VPS9D1: variants seen among roughly 807,000 people sequenced by gnomAD.
VPS9D1 encodes VPS9 domain containing 1.
Under a neutral mutation model 75.8 loss-of-function variants are expected in VPS9D1, and 78 were observed. The observed-to-expected ratio is 1.03, with a 90% confidence interval of 0.86 to 1.24. VPS9D1 has a LOEUF of 1.24. Ranked by LOEUF, VPS9D1 falls within the 50% of genes most tolerant of loss-of-function variation. The pLI, the probability that VPS9D1 is intolerant of heterozygous loss-of-function variation, is 0.00. For missense variants in VPS9D1, 1,057 were observed against 847.7 expected (o/e 1.25, Z -3.07); for synonymous variants, 481 against 385.6 (o/e 1.25, Z -2.90).
chr16:89,718,584 A>G (rs57119673), intron 2 of VPS9D1, among the ~76,000 whole-genome samples: 56,410 of 152,080 alleles, frequency 0.37, 10,839 homozygotes, highest in Middle Eastern at 0.43. Context: ...TGGTCCACCT[A>G]CTACAAATGG....
Position 89,716,826 on chromosome 16 carries a change from G to A in VPS9D1, c.176-4C>T. On this transcript the variant is annotated splice_polypyrimidine_tract_variant and splice_region_variant and intron_variant, in intron 2 of 14. Transcript: ENST00000389386. Reference sequence around the variant, plus strand: ...GGGGGCACAGTTTCCCCAGCTTCTGGGGGAGGGACAAGAAGGCTGGTCACA... The same window carrying A: ...GGGGGCACAGTTTCCCCAGCTTCTGAGGGAGGGACAAGAAGGCTGGTCACA... 6.3e-7 allele frequency: 1 copy of A among 1,588,306 alleles called. No individual in the cohort carries two copies. The highest frequency in any genetic ancestry group is 8.5e-7 in the Non-Finnish European group (1 of 1,172,728).
Position 89,712,930 on chromosome 16 carries a change from T to C in VPS9D1, c.432-214A>G, listed in dbSNP as rs1011511558. 11 of 464,530 alleles carry C rather than the reference T, an allele frequency of 2.4e-5. No individual in the cohort carries two copies. In the Admixed American group the frequency reaches 2.8e-4, roughly 12 times the overall value. 28.8% of individuals were successfully genotyped at this position (464,530 alleles called of 1,614,324 possible). On this transcript the variant is annotated intron_variant, in intron 4 of 14. Coordinates refer to ENST00000389386, the MANE Select transcript of VPS9D1 (RefSeq NM_004913.3). ...CAGGTGCAGTGGCTCCCGCCTCTAA[T>C]GCCAGCACTTTAGGAGGCTAAGGCC...
At chr16:89,719,964 C>T (rs978460003) in intron 1 of VPS9D1, among the ~76,000 whole-genome samples, 5 of 152,320 alleles carry the variant, frequency 3.3e-5, no homozygotes, top group East Asian at 1.9e-4. Context: ...GGTGATCCAC[C>T]GCCTGGGCCT....
Position 89,707,652 on chromosome 16 carries a change from C to T in VPS9D1, c.*209G>A. 1.8e-6 allele frequency: 1 copy of T among 558,448 alleles called. No homozygotes were observed. Among genetic ancestry groups the T allele is most frequent in the Non-Finnish European group, 3.2e-6 (1 of 311,572 alleles). The allele number at this position is 558,448 out of a possible 1,614,324, so 34.6% of individuals were successfully genotyped here. ...CTGATTCAGCCCCATTCTGTCGGGG[C>T]AGAGGTGCCAACCCCAAGCTCCAGG... is the stretch of plus-strand genomic sequence containing the variant. On this transcript the variant is annotated 3_prime_UTR_variant, in exon 15 of 15. Coordinates refer to ENST00000389386, the MANE Select transcript of VPS9D1 (RefSeq NM_004913.3).
intron 2 of VPS9D1, chr16:89,717,421 C>T (rs1478897395): frequency 2.6e-6 from 1 of 391,016 alleles, no homozygotes; most frequent in Admixed American, 2.8e-5. Flanking sequence ...CCGGCTGTGT[C>T]CCCAAAGTCC....
In VPS9D1 at chr16:89,717,981, G is replaced by A. The variant is rs556318875; in HGVS notation, c.175+1046C>T. On this transcript the variant is annotated intron_variant, in intron 2 of 14. Transcript: ENST00000389386. ...GCTCCCCCGACCTCTGTGCTCCCACGTCCAGTGGCTCCCCCGACCTCTGTG... is the reference window on the plus strand; with the variant it reads ...GCTCCCCCGACCTCTGTGCTCCCACATCCAGTGGCTCCCCCGACCTCTGTG... 900 of 448,874 alleles carry A rather than the reference G, an allele frequency of 2.0e-3. 11 individuals are homozygous for A. The highest frequency in any genetic ancestry group is 6.9e-3 in the Middle Eastern group (21 of 3,030). The allele number at this position is 448,874 out of a possible 1,614,324, so 27.8% of individuals were successfully genotyped here.
intron 4 of VPS9D1, among the ~76,000 whole-genome samples, chr16:89,713,595 T>C (rs1388820003): frequency 6.6e-6 from 1 of 152,148 alleles, no homozygotes; most frequent in Non-Finnish European, 1.5e-5. Context: ...ACTGGACTTC[T>C]ATGGAGATCC....
chr16:89,708,816 G>A (rs2060848250), intron 13 of VPS9D1, 41 bp downstream of exon 13: 1 of 1,525,844 alleles, frequency 6.6e-7, no homozygotes, highest in Non-Finnish European at 8.8e-7. Flanking sequence ...CCTTTCTAGG[G>A]CCCTTCCTCC....
intron 6 of VPS9D1, 159 bp from the exon 7 acceptor site, chr16:89,712,258 A>C (rs1227488016): frequency 2.2e-6 from 3 of 1,338,906 alleles, no homozygotes; most frequent in African/African-American, 1.5e-5. Context: ...CCTGCGCTCA[A>C]GCCAGGAGGG....
chr16:89,708,918 AGTC>A lies in VPS9D1; in HGVS notation c.1633_1635del (p.Asp545del). On this transcript the variant is annotated inframe_deletion, in exon 13 of 15. Transcript: ENST00000389386. The stretch of plus-strand genomic sequence containing the variant: ...GGTGTGGCCTCTGGGGTGGGGCAGT[AGTC>A]TTCCGCACAGACACAGATGATCCGC... The A allele has an allele frequency of 6.2e-7, 1 of 1,602,156 alleles. No homozygotes were observed. The highest frequency in any genetic ancestry group is 8.5e-7 in the Non-Finnish European group (1 of 1,176,376).
chr16:89,717,467 C>T (rs920879384), intron 2 of VPS9D1: 22 of 430,346 alleles, frequency 5.1e-5, no homozygotes, highest in Admixed American at 9.9e-5. Context: ...CACCTCTGCG[C>T]GACCATGGAC....
In VPS9D1 at chr16:89,710,880, T is replaced by TTCC; in HGVS notation, c.961_963dup (p.Gly321dup). On this transcript the variant is annotated inframe_insertion, in exon 10 of 15. Transcript: ENST00000389386. Reference sequence around the variant, plus strand: ...CTCTGCGAGGGCCGCAGCCGTCGGCTTCCGGGGTTGGGGGTCGGGGGGCAG... The same window carrying TTCC: ...CTCTGCGAGGGCCGCAGCCGTCGGCTTCCTCCGGGGTTGGGGGTCGGGGGGCAG... 1 of 1,501,784 alleles carries TTCC rather than the reference T, an allele frequency of 6.7e-7. No homozygotes were observed. Among genetic ancestry groups the TTCC allele is most frequent in the Non-Finnish European group, 8.9e-7 (1 of 1,129,236 alleles). 93.0% of individuals were successfully genotyped at this position (1,501,784 alleles called of 1,614,324 possible).
At chr16:89,709,949 C>G in intron 10 of VPS9D1, 43 bp from the exon 11 acceptor site, 1 of 1,556,198 alleles carries the variant, frequency 6.4e-7, no homozygotes, top group Non-Finnish European at 8.7e-7. Flanking sequence ...GGCTCCTCCC[C>G]TGCTGGGTCA....
At chr16:89,718,033 C>T (rs1333123572) in intron 2 of VPS9D1, 2 of 455,752 alleles carry the variant, frequency 4.4e-6, no homozygotes, top group African/African-American at 4.0e-5. Context: ...GTCCCCCTGA[C>T]CTCTGTGATC....
In VPS9D1 at chr16:89,712,706, G is replaced by C; in HGVS notation, c.442C>G (p.Pro148Ala). The C allele has an allele frequency of 6.2e-7, 1 of 1,602,324 alleles. No individual in the cohort carries two copies. The highest frequency in any genetic ancestry group is 8.5e-7 in the Non-Finnish European group (1 of 1,173,932). The change falls in exon 5 of 15, where the codon CCA becomes GCA. Residue 148 changes from proline (P) to alanine (A), a missense_variant. Transcript: ENST00000389386. Reference sequence around the variant, plus strand: ...TTCTGCAGGGAGGCCTCCTCCAGTGGCGTCAGCTCTCTGGAAATGTGACAA... The same window carrying C: ...TTCTGCAGGGAGGCCTCCTCCAGTGCCGTCAGCTCTCTGGAAATGTGACAA... ...ESQSCKKELT[P>A]LEEASLQNQK...
intron 2 of VPS9D1, among the ~76,000 whole-genome samples, chr16:89,718,616 G>C: frequency 6.6e-6 from 1 of 152,264 alleles, no homozygotes; most frequent in East Asian, 1.9e-4. Flanking sequence ...GGATACAAGA[G>C]ACCCCCGCCG....
rs1181863310 is a variant in VPS9D1, at chr16:89,708,914, CAGT to C, written c.1637_1639del (p.Tyr546del). The C allele has an allele frequency of 6.2e-7, 1 of 1,600,874 alleles. No homozygotes were observed. Among genetic ancestry groups the C allele is most frequent in the African/African-American group, 1.3e-5 (1 of 74,394 alleles). On this transcript the variant is annotated inframe_deletion, in exon 13 of 15. Coordinates refer to ENST00000389386, the MANE Select transcript of VPS9D1 (RefSeq NM_004913.3). Reference sequence around the variant, plus strand: ...CTGGGGTGTGGCCTCTGGGGTGGGGCAGTAGTCTTCCGCACAGACACAGATGAT... The same window carrying C: ...CTGGGGTGTGGCCTCTGGGGTGGGGCAGTCTTCCGCACAGACACAGATGAT...
Position 89,709,176 on chromosome 16 carries a change from A to C in VPS9D1, c.1597+51T>G, listed in dbSNP as rs1322393924. On this transcript the variant is annotated intron_variant, in intron 12 of 14. Transcript: ENST00000389386. ...GTGGTGAAGACACAGGCTCCAGGTC[A>C]CCTACTGGGATGGGAGCCTGTCCCT... 4 of 1,604,482 alleles carry C rather than the reference A, an allele frequency of 2.5e-6. No individual in the cohort carries two copies. In the African/African-American group the frequency reaches 5.4e-5, roughly 21 times the overall value.
At chr16:89,711,460 C>T in intron 8 of VPS9D1, 48 bp from the exon 9 acceptor site, 4 of 1,521,724 alleles carry the variant, frequency 2.6e-6, no homozygotes, top group Non-Finnish European at 3.6e-6. Flanking sequence ...TCCGCCACGA[C>T]CGGACGCGCC....
Sources: gnomAD v4.1 joint callset for allele counts (sites outside exome capture counted in the v4.1 genomes callset) on GRCh38, gnomAD v4.1.1 for gene constraint, MANE v1.5 for transcripts, NCBI Gene and HGNC (gene_info 2026-07-23, HGNC 2026-07-21) for gene names.